Variants in ACTL6B observed in about 807,000 individuals in gnomAD.
ACTL6B encodes the protein actin like 6B, also known as actin-like protein 6B.
ACTL6B carries 48 observed loss-of-function variants against 63.3 expected under a neutral mutation model. The observed-to-expected ratio is 0.76, with a 90% CI of 0.60 to 0.96. The LOEUF is 0.96. Among genes scored for constraint, ACTL6B ranks in the 50% least tolerant of loss-of-function variants. The pLI is 0.00. For synonymous variants in ACTL6B, 230 were observed against 223.8 expected (o/e 1.03, Z -0.25); for missense variants, 350 against 572.2 (o/e 0.61, Z 3.96).
intron 5 of ACTL6B, among the ~76,000 whole-genome samples, chr7:100,649,486 C>T (rs10235209): frequency 2.6e-5 from 4 of 151,816 alleles, no homozygotes; most frequent in Non-Finnish European, 5.9e-5. Context: ...TTAGTAGACA[C>T]GGGCTTTTGC....
Position 100,650,051 on chromosome 7 carries a change from C to T in ACTL6B, c.454G>A (p.Ala152Thr). ...TCCAGAGGATACGCGGTGAGCACAG[C>T]CGTCTTGCATAAGAAGAAGGCAGGA... ...NIPAFFLCKT[A>T]VLTAFANGRS... Residue 152 changes from alanine (A) to threonine (T), a missense_variant, in exon 5 of 14, where the codon GCT becomes ACT. By Grantham distance (58) the Ala-to-Thr change is moderately conservative. Around this residue, in one of 3 missense-constraint regions of ACTL6B, gnomAD observed 250 missense variants for 364.7 expected, o/e 0.69. Coordinates refer to ENST00000160382, the MANE Select transcript of ACTL6B (RefSeq NM_016188.5). 6.2e-7 allele frequency: 1 copy of T among 1,613,840 alleles called. No homozygotes were observed.
In ACTL6B at chr7:100,643,279, G is replaced by T; in HGVS notation, c.1248C>A (p.Gly416=). 3 of 1,613,964 alleles carry T rather than the reference G, an allele frequency of 1.9e-6. No homozygotes were observed. Among genetic ancestry groups the T allele is most frequent in the Non-Finnish European group, 2.5e-6 (3 of 1,179,968 alleles). ...ACTTTCGCTCCACGCACTGCTTCCC[G>T]CCCTCCTCATATTCCTGCTTGGAGA... is the stretch of plus-strand genomic sequence containing the variant. The part of the protein sequence containing the change: ...MWISKQEYEE[G]GKQCVERKCP The change falls in exon 14 of 14, where the codon GGC becomes GGA. Residue 416 remains glycine (G), a synonymous_variant. Transcript: ENST00000160382.
Position 100,655,414 on chromosome 7 carries a change from C to CCCT in ACTL6B, c.268+4_268+6dup, listed in dbSNP as rs1250254455. On this transcript the variant is annotated splice_region_variant and intron_variant, in intron 3 of 13. Coordinates refer to ENST00000160382, the MANE Select transcript of ACTL6B (RefSeq NM_016188.5). The surrounding 1 kb of genome is among the most constrained non-coding windows in gnomAD (Gnocchi z 4.4). ...CTGTCAGGAGGTGATGGGTGGGGGC[C>CCCT]CCTTACTCATGCCATTCTTGAGGGG... is the stretch of plus-strand genomic sequence containing the variant. The CCCT allele has an allele frequency of 6.2e-7, 1 of 1,613,116 alleles. No individual in the cohort carries two copies. The highest frequency in any genetic ancestry group is 2.2e-5 in the East Asian group (1 of 44,836).
intron 4 of ACTL6B, among the ~76,000 whole-genome samples, chr7:100,654,432 C>CATA (rs146623180): frequency 0.076 from 10,401 of 137,322 alleles, 408 homozygotes; most frequent in African/African-American, 0.091. Flanking sequence ...CAAAGTTGAC[C>CATA]ATAATAATAA....
chr7:100,653,475 C>T (rs1018940122), intron 4 of ACTL6B, among the ~76,000 whole-genome samples: 1 of 151,988 alleles, frequency 6.6e-6, no homozygotes, highest in South Asian at 2.1e-4. Flanking sequence ...CATGATGAAA[C>T]CCTGTCTCTA....
intron 4 of ACTL6B, 72 bp from the exon 5 acceptor site, chr7:100,650,207 C>A (rs941324401): frequency 1.1e-5 from 15 of 1,305,144 alleles, no homozygotes; most frequent in Non-Finnish European, 1.6e-5. Context: ...CACACGCAAC[C>A]CACTCACTCA....
At chr7:100,645,549 G>T (rs1176462118) in intron 13 of ACTL6B, among the ~76,000 whole-genome samples, 1 of 151,922 alleles carries the variant, frequency 6.6e-6, no homozygotes, top group Non-Finnish European at 1.5e-5. Flanking sequence ...AAAACATCAG[G>T]GTCTCCCCTC....
intron 4 of ACTL6B, among the ~76,000 whole-genome samples, chr7:100,654,458 TAATAA>T (rs936951572): frequency 6.8e-6 from 1 of 147,096 alleles, no homozygotes; most frequent in Non-Finnish European, 1.5e-5. Context: ...ATAATAATAA[TAATAA>T]TAATAATAAG....
chr7:100,645,416 C>T (rs529371259), intron 13 of ACTL6B, among the ~76,000 whole-genome samples: 9 of 152,202 alleles, frequency 5.9e-5, no homozygotes, highest in South Asian at 4.1e-4. Context: ...GCTATGACTC[C>T]GGGACAATCA....
In ACTL6B at chr7:100,655,490, T is replaced by G. The variant is rs751962979; in HGVS notation, c.199A>C (p.Ile67Leu). 1 of 1,614,154 alleles carries G rather than the reference T, an allele frequency of 6.2e-7. No homozygotes were observed. The highest frequency in any genetic ancestry group is 1.3e-5 in the African/African-American group (1 of 75,022). The change falls in exon 3 of 14, where the codon ATC (isoleucine) becomes CTC (leucine). Residue 67 changes from isoleucine (I) to leucine (L), a missense_variant. By Grantham distance (5) the Ile-to-Leu change is conservative (BLOSUM62 2). This residue lies in a region of ACTL6B where 250 missense variants were observed against 364.7 expected (regional missense o/e 0.69). Transcript: ENST00000160382. The surrounding 1 kb of genome is among the most constrained non-coding windows in gnomAD (Gnocchi z 4.4). Reference sequence around the variant, plus strand: ...GGCACGTGCAGGGCATTGGTGTCGATGTGGAAGATCTTCCCTTTCTTCTCT... The same window carrying G: ...GGCACGTGCAGGGCATTGGTGTCGAGGTGGAAGATCTTCCCTTTCTTCTCT... ...DKEKKGKIFH[I>L]DTNALHVPRD...
chr7:100,647,785 C>T lies in ACTL6B; in HGVS notation c.670-252G>A, dbSNP rs1803852025. ...CAGGAATACAGCAGTGACAGAACCT[C>T]AAGGGAATGGCCTCCTAGGGGGTCA... is the stretch of plus-strand genomic sequence containing the variant. On this transcript the variant is annotated intron_variant, in intron 7 of 13. Transcript: ENST00000160382. This position sits in a 1 kb window ranked among gnomAD's most constrained non-coding sequence, Gnocchi z 4.4. 2.1e-6 allele frequency: 1 copy of T among 479,900 alleles called. No individual in the cohort carries two copies. The highest frequency in any genetic ancestry group is 3.7e-6 in the Non-Finnish European group (1 of 271,128). The allele number at this position is 479,900 out of a possible 1,614,324, so 29.7% of individuals were successfully genotyped here.
chr7:100,647,043 A>G lies in ACTL6B; in HGVS notation c.864T>C (p.Asn288=), dbSNP rs1803837119. Residue 288 remains asparagine, a synonymous_variant, in exon 10 of 14, where the codon AAT becomes AAC. Transcript: ENST00000160382. The surrounding 1 kb of genome is among the most constrained non-coding windows in gnomAD (Gnocchi z 4.4). ...QMPTVHYEMP[N]GYNTDYGAER... ...CGGCGCCGTAGTCTGTATTGTAGCC[A>G]TTGGGCATCTCGTAGTGCACTGTGG... 6.2e-7 allele frequency: 1 copy of G among 1,613,800 alleles called. No individual in the cohort carries two copies. The highest frequency in any genetic ancestry group is 1.3e-5 in the African/African-American group (1 of 74,856).
Position 100,647,160 on chromosome 7 carries a change from A to AGG in ACTL6B, c.821+62_821+63insCC. On this transcript the variant is annotated intron_variant, in intron 9 of 13. Transcript: ENST00000160382. This position sits in a 1 kb window ranked among gnomAD's most constrained non-coding sequence, Gnocchi z 4.4. ...TGCGTGGGCAGCACCAGAGCCCCCC[A>AGG]GCCCACCCCAAGAGTGCCGGTTCTG... 2.4e-5 allele frequency: 37 copies of AGG among 1,555,696 alleles called. No homozygotes were observed. Among genetic ancestry groups the AGG allele is most frequent in the Non-Finnish European group, 3.1e-5 (35 of 1,128,600 alleles).
chr7:100,644,027 G>T (rs1803773535), intron 13 of ACTL6B, among the ~76,000 whole-genome samples: 1 of 152,088 alleles, frequency 6.6e-6, no homozygotes, highest in Non-Finnish European at 1.5e-5. Context: ...AGCCTGCTGG[G>T]TAGCTGGGAT....
intron 13 of ACTL6B, among the ~76,000 whole-genome samples, chr7:100,644,408 C>G (rs1476543664): frequency 6.6e-6 from 1 of 152,110 alleles, no homozygotes; most frequent in African/African-American, 2.4e-5. Flanking sequence ...GCTCACCAGC[C>G]CTGGTCCAAA....
At position 100,647,539 on chromosome 7, in the gene ACTL6B, G is replaced by C; in HGVS notation, c.670-6C>G. 6.3e-7 allele frequency: 1 copy of C among 1,587,214 alleles called. No homozygotes were observed. Among genetic ancestry groups the C allele is most frequent in the Non-Finnish European group, 8.6e-7 (1 of 1,166,704 alleles). Reference sequence around the variant, plus strand: ...GCACCCTCCCGGACAGGCTCCTGTGGGGGCACAGTGTAGGAACACCCTTTC... The same window carrying C: ...GCACCCTCCCGGACAGGCTCCTGTGCGGGCACAGTGTAGGAACACCCTTTC... On this transcript the variant is annotated splice_region_variant and splice_polypyrimidine_tract_variant and intron_variant, in intron 7 of 13. Coordinates refer to ENST00000160382, the MANE Select transcript of ACTL6B (RefSeq NM_016188.5). This position sits in a 1 kb window ranked among gnomAD's most constrained non-coding sequence, Gnocchi z 4.4.
intron 4 of ACTL6B, among the ~76,000 whole-genome samples, chr7:100,650,946 T>C (rs1279233948): frequency 6.6e-6 from 1 of 152,098 alleles, no homozygotes; most frequent in Non-Finnish European, 1.5e-5. Flanking sequence ...TTGAAAGACA[T>C]ATGTTTTCAG....
In ACTL6B at chr7:100,647,443, C is replaced by T. The variant is rs1803846036; in HGVS notation, c.759+1G>A. On this transcript the variant is annotated splice_donor_variant, in intron 8 of 13. Coordinates refer to ENST00000160382, the MANE Select transcript of ACTL6B (RefSeq NM_016188.5). LOFTEE classifies it high-confidence loss of function. This position sits in a 1 kb window ranked among gnomAD's most constrained non-coding sequence, Gnocchi z 4.4. ...TCAGGTGGCCCTCTCCAGAGGCTCA[C>T]ATTACACATGTAGTTATGCCAGGAC... 5 of 1,612,716 alleles carry T rather than the reference C, an allele frequency of 3.1e-6. No homozygotes were observed. Among genetic ancestry groups the T allele is most frequent in the South Asian group, 2.2e-5 (2 of 90,880 alleles).
Position 100,647,238 on chromosome 7 carries a change from G to T in ACTL6B, c.806C>A (p.Ser269Tyr). The change falls in exon 9 of 14, where the codon TCC becomes TAC. Residue 269 changes from serine to tyrosine, a missense_variant. Ser to Tyr is a moderately radical substitution (Grantham distance 144, BLOSUM62 -2). Around this residue, in one of 3 missense-constraint regions of ACTL6B, gnomAD observed 250 missense variants for 364.7 expected, o/e 0.69. Coordinates refer to ENST00000160382, the MANE Select transcript of ACTL6B (RefSeq NM_016188.5). The surrounding 1 kb of genome is among the most constrained non-coding windows in gnomAD (Gnocchi z 4.4). Reference protein sequence around the residue: ...FQASVLQVSDSPYDEQVAAQM... With the variant: ...FQASVLQVSDYPYDEQVAAQM... Reference sequence around the variant, plus strand: ...CCACACTCACTGTTCATCGTAGGGGGAGTCTGAGACCTGCAGCACGGAGGC... The same window carrying T: ...CCACACTCACTGTTCATCGTAGGGGTAGTCTGAGACCTGCAGCACGGAGGC... The T allele has an allele frequency of 1.2e-6, 2 of 1,613,522 alleles. No individual in the cohort carries two copies. The highest frequency in any genetic ancestry group is 1.7e-6 in the Non-Finnish European group (2 of 1,179,956).
Sources: gnomAD v4.1 joint callset for allele counts (sites outside exome capture counted in the v4.1 genomes callset) on GRCh38, gnomAD v4.1.1 for gene constraint, gnomAD v4.1.1 regional missense constraint, Gnocchi (gnomAD v3.1) non-coding constraint, MANE v1.5 for transcripts, NCBI Gene and HGNC (gene_info 2026-07-23, HGNC 2026-07-21) for gene names.